The following DIP2C variants were observed in gnomAD, a reference collection of about 807,000 sequenced individuals.
DIP2C encodes the protein disco-interacting protein 2 homolog C.
Under a neutral mutation model 192.4 loss-of-function variants are expected in DIP2C, and 33 were observed. The ratio of observed to expected loss-of-function variants is 0.17; its 90% CI spans 0.13 to 0.23. The LOEUF is 0.23. Ranked by LOEUF, DIP2C falls within the 10% of genes least tolerant of loss-of-function variation. The probability of loss-of-function intolerance (pLI) is 1.00; values close to 1 mark genes in which losing one functional copy is unlikely to be tolerated. For synonymous variants in DIP2C, 979 were observed against 864.1 expected (o/e 1.13, Z -2.33); for missense variants, 1,537 against 2,110.1 (o/e 0.73, Z 5.32).
intron 1 of DIP2C, among the ~76,000 whole-genome samples, chr10:503,957 A>C (rs1845418583): frequency 1.3e-5 from 2 of 152,200 alleles, no homozygotes; most frequent in South Asian, 4.1e-4. Flanking sequence ...TAATTATTTT[A>C]CTCAGAAATT....
At chr10:574,408 A>G (rs879750907) in intron 1 of DIP2C, among the ~76,000 whole-genome samples, 1 of 152,238 alleles carries the variant, frequency 6.6e-6, no homozygotes, top group Non-Finnish European at 1.5e-5. Flanking sequence ...TTGGAAAGCA[A>G]TATTTCAACA....
intron 1 of DIP2C, among the ~76,000 whole-genome samples, chr10:519,463 T>C (rs754006613): frequency 2.0e-5 from 3 of 152,154 alleles, no homozygotes; most frequent in Non-Finnish European, 4.4e-5. Context: ...TGGTATTGGA[T>C]ATGGCAATAA....
At chr10:563,940 A>G (rs892740201) in intron 1 of DIP2C, among the ~76,000 whole-genome samples, 12 of 152,228 alleles carry the variant, frequency 7.9e-5, no homozygotes, top group African/African-American at 2.2e-4. Flanking sequence ...CATTCAGGGA[A>G]TCGATGCTGA....
rs543475584 is a variant in DIP2C, at chr10:476,661, C to T, written c.158-4112G>A. Among the ~76,000 whole-genome samples the T allele has an allele frequency of 1.6e-4, 25 of 152,274 alleles. 1 individual carries two copies. The East Asian group carries it at 3.3e-3, about 20-fold the overall frequency. On this transcript the variant is annotated intron_variant, in intron 2 of 36. Transcript: ENST00000280886. ...GCAATGGGGGCCCCTCTCCCAGGCC[C>T]CTCCACACCCTCTCCTGAGAGCAGA...
chr10:499,559 A>G (rs1237080727), intron 1 of DIP2C, among the ~76,000 whole-genome samples: 1 of 152,202 alleles, frequency 6.6e-6, no homozygotes, highest in Non-Finnish European at 1.5e-5. Context: ...ACCTACTGAA[A>G]TAGTACCATA....
At chr10:541,851 T>A (rs146898321) in intron 1 of DIP2C, among the ~76,000 whole-genome samples, 2 of 152,138 alleles carry the variant, frequency 1.3e-5, no homozygotes, top group Non-Finnish European at 2.9e-5. Context: ...CCCTGTCTAG[T>A]GCATCCCTGC....
chr10:301,698 G>A (rs1443851553), intron 32 of DIP2C, among the ~76,000 whole-genome samples: 1 of 152,218 alleles, frequency 6.6e-6, no homozygotes, highest in Non-Finnish European at 1.5e-5. Context: ...ACACACCTTG[G>A]AGGGGCAGGA....
intron 1 of DIP2C, among the ~76,000 whole-genome samples, chr10:532,318 C>G (rs760149188): frequency 6.6e-6 from 1 of 152,180 alleles, no homozygotes; most frequent in East Asian, 1.9e-4. Flanking sequence ...TTCTAAGGCC[C>G]TTAAGCCACT....
At chr10:660,979 T>C (rs1856723567) in intron 1 of DIP2C, among the ~76,000 whole-genome samples, 1 of 152,220 alleles carries the variant, frequency 6.6e-6, no homozygotes, top group Non-Finnish European at 1.5e-5. Flanking sequence ...ATACGAGGCA[T>C]TTCAGGCAAA....
chr10:656,825 CA>C (rs1248709735), intron 1 of DIP2C, among the ~76,000 whole-genome samples: 1 of 152,168 alleles, frequency 6.6e-6, no homozygotes, highest in East Asian at 1.9e-4. Context: ...AAGGCTCTGG[CA>C]CAGCTGAGGG....
Position 603,298 on chromosome 10 carries a change from C to CAAAAAAAAAAAAAA in DIP2C, c.85+86182_85+86195dup, listed in dbSNP as rs71376842. 3.9e-4 allele frequency among the ~76,000 whole-genome samples: 18 copies of CAAAAAAAAAAAAAA among 45,882 alleles called. 2 individuals carry two copies. The highest frequency in any genetic ancestry group is 1.1e-3 in the African/African-American group (9 of 8,142). 30.1% of individuals were successfully genotyped at this position (45,882 alleles called of 152,430 possible). On this transcript the variant is annotated intron_variant, in intron 1 of 36. Coordinates refer to ENST00000280886, the MANE Select transcript of DIP2C (RefSeq NM_014974.3). ...TGGGTGACAGAATGAGACTCCATCT[C>CAAAAAAAAAAAAAA]AAAAAAAAAAAAAAAAAAAAAAAAA... is the stretch of plus-strand genomic sequence containing the variant.
intron 1 of DIP2C, among the ~76,000 whole-genome samples, chr10:503,910 T>C (rs1432305754): frequency 2.0e-5 from 3 of 152,194 alleles, no homozygotes; most frequent in Non-Finnish European, 4.4e-5. Flanking sequence ...TTACAACCAT[T>C]GATTTCAATT....
intron 31 of DIP2C, among the ~76,000 whole-genome samples, chr10:310,957 A>G (rs903951363): frequency 6.6e-6 from 1 of 152,168 alleles, no homozygotes; most frequent in Admixed American, 6.5e-5. Context: ...TTACACTAAA[A>G]TTCTTCAGGA....
rs150328694 is a variant in DIP2C, at chr10:389,916, G to A, written c.1597+75C>T. 7.1e-4 allele frequency: 823 copies of A among 1,157,894 alleles called. 7 individuals carry two copies. The East Asian group carries it at 0.016, about 23-fold the overall frequency. 71.7% of individuals were successfully genotyped at this position (1,157,894 alleles called of 1,614,324 possible). Reference sequence around the variant, plus strand: ...TCACGCTATTTCTATGGCTCCTCGTGGGAGTGATGTGGCCTTCGTGTCAGG... The same window carrying A: ...TCACGCTATTTCTATGGCTCCTCGTAGGAGTGATGTGGCCTTCGTGTCAGG... On this transcript the variant is annotated intron_variant, in intron 13 of 36. Coordinates refer to ENST00000280886, the MANE Select transcript of DIP2C (RefSeq NM_014974.3).
At chr10:532,292 C>T (rs1847415262) in intron 1 of DIP2C, among the ~76,000 whole-genome samples, 1 of 152,144 alleles carries the variant, frequency 6.6e-6, no homozygotes, top group Non-Finnish European at 1.5e-5. Context: ...CGCAGTCATG[C>T]TGAACCAGAA....
At chr10:311,708 G>A (rs1042401811) in intron 31 of DIP2C, 45 of 565,104 alleles carry the variant, frequency 8.0e-5, no homozygotes, top group Admixed American at 3.1e-4. Flanking sequence ...AGGAGAATGC[G>A]AAAAGCAGGA....
chr10:283,449 G>A lies in DIP2C; in HGVS notation c.4120-3C>T. 3 of 1,613,734 alleles carry A rather than the reference G, an allele frequency of 1.9e-6. No individual in the cohort carries two copies. Among genetic ancestry groups the A allele is most frequent in the Non-Finnish European group, 2.5e-6 (3 of 1,179,814 alleles). ...TTGTGGGCACTGTGAACCCAAATCT[G>A]CAAACGGAGGGAAATGTCACTGTGG... On this transcript the variant is annotated splice_polypyrimidine_tract_variant and splice_region_variant and intron_variant, in intron 34 of 36. Transcript: ENST00000280886.
chr10:381,033 C>T (rs1002179248), intron 17 of DIP2C, among the ~76,000 whole-genome samples: 1 of 152,130 alleles, frequency 6.6e-6, no homozygotes, highest in Non-Finnish European at 1.5e-5. Flanking sequence ...AACGCAAGTA[C>T]GAGTGCTGCT....
At chr10:388,679 T>C (rs899441082) in intron 13 of DIP2C, among the ~76,000 whole-genome samples, 2 of 152,116 alleles carry the variant, frequency 1.3e-5, no homozygotes, top group Admixed American at 1.3e-4. Flanking sequence ...AACATCAGAA[T>C]ACCCACGAGA....
Sources: allele counts gnomAD v4.1 joint callset (sites outside exome capture counted in the v4.1 genomes callset), GRCh38; gene constraint gnomAD v4.1.1; transcripts MANE v1.5; gene names NCBI Gene and HGNC (gene_info 2026-07-23, HGNC 2026-07-21).